CFAP44: variants seen among roughly 807,000 people sequenced by gnomAD.
CFAP44 encodes the protein cilia and flagella associated protein 44.
A neutral mutation model predicts 216.2 loss-of-function variants in CFAP44; 134 were observed. That is an observed-to-expected ratio of 0.62 (90% confidence interval 0.54 to 0.72). CFAP44 has a LOEUF of 0.72. Ranked by LOEUF, CFAP44 falls within the 30% of genes least tolerant of loss-of-function variation. CFAP44 has a pLI of 0.00. For missense variants in CFAP44, 2,035 were observed against 2,182.1 expected (o/e 0.93, Z 1.34); for synonymous variants, 700 against 727.6 (o/e 0.96, Z 0.61).
chr3:113,295,550 T>C (rs1199984267), intron 33 of CFAP44, among the ~76,000 whole-genome samples: 1 of 152,338 alleles, frequency 6.6e-6, no homozygotes, highest in South Asian at 2.1e-4. Flanking sequence ...GATGGAGCCA[T>C]TGGACAACAC....
At chr3:113,400,497 TA>T in intron 12 of CFAP44, 47 bp downstream of exon 12, 1 of 1,465,490 alleles carries the variant, frequency 6.8e-7, no homozygotes, top group Non-Finnish European at 9.1e-7. Context: ...TTATTGCAAA[TA>T]AAACAAAACA....
chr3:113,419,917 GTGCA>G, intron 5 of CFAP44, 96 bp downstream of exon 5: 1 of 1,249,528 alleles, frequency 8.0e-7, no homozygotes, highest in Non-Finnish European at 1.1e-6. Context: ...CCACAATACT[GTGCA>G]TGGTGTTGGC....
At chr3:113,360,951 T>A in intron 21 of CFAP44, 1 of 244,960 alleles carries the variant, frequency 4.1e-6, no homozygotes. Flanking sequence ...CAGTTGAATT[T>A]GTTTTATCTG....
At position 113,288,381 on chromosome 3, in the gene CFAP44, A is replaced by G. The variant is rs1949795489; in HGVS notation, c.*3176T>C. 6.6e-6 allele frequency: 1 copy of G among 152,238 alleles called. No homozygotes were observed. The highest frequency in any genetic ancestry group is 1.5e-5 in the Non-Finnish European group (1 of 68,046). 9.4% of individuals were successfully genotyped at this position (152,238 alleles called of 1,614,324 possible). A position where few individuals can be genotyped will look rare whatever the true frequency, so the allele number is the denominator to read the frequency against. On this transcript the variant is annotated 3_prime_UTR_variant, in exon 35 of 35. Coordinates refer to ENST00000393845, the MANE Select transcript of CFAP44 (RefSeq NM_001164496.2). ...TTCAGGAAAGCAGTATTTTAAAAATATTATTTAAAAGGAAGGACTGTAAGG... is the reference window on the plus strand; with the variant it reads ...TTCAGGAAAGCAGTATTTTAAAAATGTTATTTAAAAGGAAGGACTGTAAGG...
intron 23 of CFAP44, among the ~76,000 whole-genome samples, 190 bp downstream of exon 23, chr3:113,344,326 C>T (rs1205985825): frequency 6.6e-6 from 1 of 152,188 alleles, no homozygotes; most frequent in Non-Finnish European, 1.5e-5. Context: ...AATGTGGCCT[C>T]TCATTCTCAG....
Position 113,358,775 on chromosome 3 carries a change from T to C in CFAP44, c.3035A>G (p.His1012Arg). The C allele has an allele frequency of 6.5e-7, 1 of 1,536,804 alleles. No homozygotes were observed. Residue 1012 changes from histidine to arginine, a missense_variant, in exon 22 of 35, where the codon CAT becomes CGT. By Grantham distance (29) the His-to-Arg change is conservative. This residue lies in a region of CFAP44 where 1,883 missense variants were observed against 2,023.7 expected (regional missense o/e 0.93). Coordinates refer to ENST00000393845, the MANE Select transcript of CFAP44 (RefSeq NM_001164496.2). Reference protein sequence around the residue: ...EKELAWEKEKHELGLMKLKNR... With the variant: ...EKELAWEKEKRELGLMKLKNR... ...CTTTAGCTTCATTAGGCCGAGTTCA[T>C]GTTTCTCTTTTTCCCAAGCTAATTC... is the stretch of plus-strand genomic sequence containing the variant.
rs146155884 is a variant in CFAP44, at chr3:113,345,299, C to T, written c.3066-587G>A. Among the ~76,000 whole-genome samples, 319 of 151,926 alleles carry T rather than the reference C, an allele frequency of 2.1e-3. 3 individuals are homozygous for T. The highest frequency in any genetic ancestry group is 7.4e-3 in the African/African-American group (308 of 41,468). ...CAAAAAGTGGAAAAATAATTTTTAA[C>T]TCTCATTCCCCAGAGACTAAAAAAT... On this transcript the variant is annotated intron_variant, in intron 22 of 34. Coordinates refer to ENST00000393845, the MANE Select transcript of CFAP44 (RefSeq NM_001164496.2).
At chr3:113,345,934 C>T (rs544782516) in intron 22 of CFAP44, among the ~76,000 whole-genome samples, 1 of 152,190 alleles carries the variant, frequency 6.6e-6, no homozygotes, top group African/African-American at 2.4e-5. Context: ...TACTATCTTT[C>T]TCATCTCTTT....
chr3:113,396,603 A>G lies in CFAP44; in HGVS notation c.1694T>C (p.Ile565Thr), dbSNP rs1933996976. 1.9e-6 allele frequency: 3 copies of G among 1,614,154 alleles called. No individual in the cohort carries two copies. Among genetic ancestry groups the G allele is most frequent in the Non-Finnish European group, 2.5e-6 (3 of 1,180,014 alleles). Residue 565 changes from isoleucine to threonine, a missense_variant, in exon 14 of 35, where the codon ATT (isoleucine) becomes ACT (threonine). By Grantham distance (89) the Ile-to-Thr change is moderately conservative. This residue lies in a region of CFAP44 where 1,883 missense variants were observed against 2,023.7 expected (regional missense o/e 0.93). Transcript: ENST00000393845. Reference protein sequence around the residue: ...AGRKKILDADIQLKQVFKPHT... With the variant: ...AGRKKILDADTQLKQVFKPHT... ...GGGTTTGAAAACCTGTTTCAACTGA[A>G]TATCAGCATCCAAAATTTTCTTCCG...
intron 28 of CFAP44, among the ~76,000 whole-genome samples, chr3:113,312,168 T>C (rs1950045682): frequency 2.0e-5 from 3 of 150,222 alleles, no homozygotes; most frequent in African/African-American, 7.4e-5. Flanking sequence ...GCCTCCTGGG[T>C]TCACATCATT....
chr3:113,298,451 G>C (rs1949902818), intron 32 of CFAP44, among the ~76,000 whole-genome samples: 1 of 152,146 alleles, frequency 6.6e-6, no homozygotes, highest in African/African-American at 2.4e-5. Context: ...CCACTTCTAA[G>C]CCATATGGTC....
chr3:113,382,296 T>C (rs1933536012), intron 15 of CFAP44, among the ~76,000 whole-genome samples: 1 of 152,086 alleles, frequency 6.6e-6, no homozygotes, highest in South Asian at 2.1e-4. Context: ...TAAGGAAAGA[T>C]TGACAGGATC....
intron 4 of CFAP44, among the ~76,000 whole-genome samples, chr3:113,420,713 A>C (rs1322861660): frequency 6.6e-6 from 1 of 152,216 alleles, no homozygotes; most frequent in Non-Finnish European, 1.5e-5. Flanking sequence ...TTGAAAGACA[A>C]GATGCTTAAA....
At chr3:113,390,968 T>C (rs1933779925) in intron 15 of CFAP44, among the ~76,000 whole-genome samples, 1 of 152,150 alleles carries the variant, frequency 6.6e-6, no homozygotes, top group Admixed American at 6.5e-5. Context: ...AGCAATCACA[T>C]TCTTCATACA....
At chr3:113,423,242 G>A (rs1934868425) in intron 4 of CFAP44, among the ~76,000 whole-genome samples, 1 of 151,046 alleles carries the variant, frequency 6.6e-6, no homozygotes, top group African/African-American at 2.4e-5. Flanking sequence ...AGCCCCCCAG[G>A]TAGCTGAGAC....
chr3:113,319,954 A>G (rs1243256927), intron 28 of CFAP44, among the ~76,000 whole-genome samples: 1 of 152,198 alleles, frequency 6.6e-6, no homozygotes, highest in Non-Finnish European at 1.5e-5. Context: ...TGAGACTATT[A>G]TGAACACTTC....
chr3:113,370,444 G>A (rs768505392), intron 18 of CFAP44, among the ~76,000 whole-genome samples: 2 of 152,078 alleles, frequency 1.3e-5, no homozygotes, highest in Non-Finnish European at 2.9e-5. Context: ...ATCAATAAAC[G>A]TAATCCATCA....
At chr3:113,366,424 C>T (rs113919430) in intron 18 of CFAP44, 115 bp from the exon 19 acceptor site, 6 of 1,267,356 alleles carry the variant, frequency 4.7e-6, no homozygotes, top group South Asian at 1.5e-5. Flanking sequence ...CTGAATTGTA[C>T]ACCCCTAAAA....
chr3:113,380,655 T>A (rs1933481887), intron 16 of CFAP44, among the ~76,000 whole-genome samples: 2 of 152,118 alleles, frequency 1.3e-5, no homozygotes, highest in South Asian at 4.1e-4. Context: ...CCTCCTCCCA[T>A]CCCTCTATCA....
Sources: gnomAD v4.1 joint callset for allele counts (sites outside exome capture counted in the v4.1 genomes callset) on GRCh38, gnomAD v4.1.1 for gene constraint, gnomAD v4.1.1 regional missense constraint, MANE v1.5 for transcripts, NCBI Gene and HGNC (gene_info 2026-07-23, HGNC 2026-07-21) for gene names.